The following SPOCK1 variants were observed in gnomAD, a reference collection of about 807,000 sequenced individuals.
SPOCK1 encodes the protein SPARC (osteonectin), cwcv and kazal like domains proteoglycan 1.
A neutral mutation model predicts 55.3 loss-of-function variants in SPOCK1; 23 were observed. The observed-to-expected ratio is 0.42, with a 90% CI of 0.30 to 0.59. The LOEUF is 0.59. Among genes scored for constraint, SPOCK1 ranks in the 20% least tolerant of loss-of-function variants. The probability of loss-of-function intolerance (pLI) is 0.22; values close to 1 mark genes in which losing one functional copy is unlikely to be tolerated. For missense variants in SPOCK1, 499 were observed against 552.5 expected (o/e 0.90, Z 0.97); for synonymous variants, 226 against 221.0 (o/e 1.02, Z -0.20).
intron 2 of SPOCK1, among the ~76,000 whole-genome samples, chr5:137,462,199 A>G (rs1415385321): frequency 6.6e-6 from 1 of 151,884 alleles, no homozygotes; most frequent in Non-Finnish European, 1.5e-5. Flanking sequence ...CAGCCACTTT[A>G]TTTTCTTTTA....
At chr5:137,079,306 A>T (rs1038132546) in intron 5 of SPOCK1, among the ~76,000 whole-genome samples, 1 of 152,252 alleles carries the variant, frequency 6.6e-6, no homozygotes, top group African/African-American at 2.4e-5. Flanking sequence ...AATGTTGGAC[A>T]GCTATATAGA....
intron 3 of SPOCK1, among the ~76,000 whole-genome samples, chr5:137,254,942 C>G (rs1756606043): frequency 6.6e-6 from 1 of 152,218 alleles, no homozygotes; most frequent in African/African-American, 2.4e-5. Flanking sequence ...ACTCTCTGTT[C>G]CCAATGCTAA....
At chr5:137,200,620 A>G (rs1560932) in intron 3 of SPOCK1, among the ~76,000 whole-genome samples, 60,333 of 152,034 alleles carry the variant, frequency 0.4, 13,139 homozygotes, top group Non-Finnish European at 0.48. Context: ...TGAATTTACA[A>G]ATTTGAATCC....
At chr5:137,181,963 C>A (rs1158326329) in intron 3 of SPOCK1, among the ~76,000 whole-genome samples, 1 of 152,122 alleles carries the variant, frequency 6.6e-6, no homozygotes, top group Non-Finnish European at 1.5e-5. Flanking sequence ...TGCTGAACCT[C>A]CACTGGTAGC....
chr5:137,423,317 G>C (rs955570730), intron 2 of SPOCK1, among the ~76,000 whole-genome samples: 4 of 152,208 alleles, frequency 2.6e-5, no homozygotes, highest in Non-Finnish European at 5.9e-5. Context: ...AAAGCTGTCA[G>C]ACAGGGACAT....
chr5:136,998,809 T>C (rs1286677288), intron 6 of SPOCK1, among the ~76,000 whole-genome samples: 2 of 152,200 alleles, frequency 1.3e-5, no homozygotes, highest in Admixed American at 1.3e-4. Context: ...GAGAAAGGTA[T>C]AGTGCCATTG....
At chr5:137,370,166 C>T (rs146835501) in intron 2 of SPOCK1, among the ~76,000 whole-genome samples, 1,656 of 152,272 alleles carry the variant, frequency 0.011, 14 homozygotes, top group East Asian at 0.025. Context: ...ACCGATTCTG[C>T]ACCCTTCTCA....
At chr5:137,390,199 C>T (rs1751688522) in intron 2 of SPOCK1, among the ~76,000 whole-genome samples, 1 of 152,098 alleles carries the variant, frequency 6.6e-6, no homozygotes, top group South Asian at 2.1e-4. Context: ...GACAACTTGG[C>T]AGTCAAAAAT....
At chr5:137,097,069 C>G (rs747684360) in intron 5 of SPOCK1, among the ~76,000 whole-genome samples, 20 of 152,206 alleles carry the variant, frequency 1.3e-4, no homozygotes, top group Admixed American at 8.5e-4. Context: ...CATAGTATGG[C>G]AGGTGGCACA....
intron 2 of SPOCK1, among the ~76,000 whole-genome samples, chr5:137,469,095 G>T (rs1426504740): frequency 6.6e-6 from 1 of 152,200 alleles, no homozygotes; most frequent in Non-Finnish European, 1.5e-5. Context: ...GAAGTTGAAA[G>T]AACTGGATTC....
intron 2 of SPOCK1, among the ~76,000 whole-genome samples, chr5:137,331,145 T>C (rs909710832): frequency 6.6e-6 from 1 of 152,178 alleles, no homozygotes; most frequent in African/African-American, 2.4e-5. Flanking sequence ...CATGCTACCC[T>C]GTCTAAGGCC....
intron 2 of SPOCK1, among the ~76,000 whole-genome samples, chr5:137,435,427 A>G (rs1287367083): frequency 2.6e-5 from 4 of 151,856 alleles, no homozygotes; most frequent in African/African-American, 4.8e-5. Context: ...TTCCTTTCCA[A>G]CAGCATTACT....
At chr5:137,340,748 G>A (rs1043899847) in intron 2 of SPOCK1, among the ~76,000 whole-genome samples, 2 of 152,132 alleles carry the variant, frequency 1.3e-5, no homozygotes, top group African/African-American at 4.8e-5. Context: ...GGGCGTGGTG[G>A]TGTATGTCTG....
Position 137,356,161 on chromosome 5 carries a change from A to T in SPOCK1, c.187-89106T>A, listed in dbSNP as rs549182434. Among the ~76,000 whole-genome samples the T allele has an allele frequency of 9.8e-5, 15 of 152,300 alleles. No homozygotes were observed. The South Asian group carries it at 2.9e-3, about 29-fold the overall frequency. On this transcript the variant is annotated intron_variant, in intron 2 of 10. Coordinates refer to ENST00000394945, the MANE Select transcript of SPOCK1 (RefSeq NM_004598.4). Reference sequence around the variant, plus strand: ...TACACCTGCTCTGCCTCATCAGTGCAGGTTGGATTAGGCTGACCATGCCAT... The same window carrying T: ...TACACCTGCTCTGCCTCATCAGTGCTGGTTGGATTAGGCTGACCATGCCAT...
intron 4 of SPOCK1, among the ~76,000 whole-genome samples, chr5:137,139,784 C>G (rs1379646240): frequency 6.6e-6 from 1 of 152,106 alleles, no homozygotes; most frequent in East Asian, 1.9e-4. Context: ...CATCCCTGCC[C>G]CATCTGACTC....
intron 6 of SPOCK1, among the ~76,000 whole-genome samples, chr5:137,056,261 G>T (rs1752298448): frequency 6.6e-6 from 1 of 152,082 alleles, no homozygotes; most frequent in Non-Finnish European, 1.5e-5. Flanking sequence ...ACACAACCAT[G>T]TGGGGGTGGG....
chr5:137,244,657 C>T (rs1399197935), intron 3 of SPOCK1, among the ~76,000 whole-genome samples: 1 of 152,206 alleles, frequency 6.6e-6, no homozygotes, highest in Non-Finnish European at 1.5e-5. Flanking sequence ...CACTGACCAA[C>T]AAGATTTTGT....
chr5:137,161,755 T>TA (rs1000778873), intron 3 of SPOCK1, among the ~76,000 whole-genome samples: 36 of 151,720 alleles, frequency 2.4e-4, no homozygotes, highest in Middle Eastern at 3.4e-3. Flanking sequence ...GTTTTTGTAT[T>TA]AAAAAAAAAT....
intron 4 of SPOCK1, among the ~76,000 whole-genome samples, chr5:137,129,444 G>C (rs1753834199): frequency 6.6e-6 from 1 of 152,204 alleles, no homozygotes; most frequent in South Asian, 2.1e-4. Context: ...TGGTCAGACA[G>C]GAGTTTTCTT....
Sources: allele counts gnomAD v4.1 joint callset (sites outside exome capture counted in the v4.1 genomes callset), GRCh38; gene constraint gnomAD v4.1.1; transcripts MANE v1.5; gene names NCBI Gene and HGNC (gene_info 2026-07-23, HGNC 2026-07-21).